CNTNAP3B: variants seen among roughly 807,000 people sequenced by gnomAD.
CNTNAP3B encodes the protein contactin associated protein family member 3B, also known as contactin-associated protein-like 3B.
CNTNAP3B carries 25 observed loss-of-function variants against 108.9 expected under a neutral mutation model. The ratio of observed to expected loss-of-function variants is 0.23; its 90% CI spans 0.17 to 0.32. The LOEUF (loss-of-function observed/expected upper bound fraction) is 0.32. Ranked by LOEUF, CNTNAP3B falls within the 10% of genes least tolerant of loss-of-function variation. The pLI, the probability that CNTNAP3B is intolerant of heterozygous loss-of-function variation, is 1.00. For synonymous variants in CNTNAP3B, 103 were observed against 473.4 expected (o/e 0.22, Z 10.16); for missense variants, 252 against 1,210.4 (o/e 0.21, Z 11.75).
At chr9:42,024,621 C>CA (rs1176745282) in intron 3 of CNTNAP3B, among the ~76,000 whole-genome samples, 15 of 52,776 alleles carry the variant, frequency 2.8e-4, no homozygotes, top group South Asian at 1.7e-3. Flanking sequence ...AACATTAAAA[C>CA]AAAAAAAAGG....
rs1479070649 is a variant in CNTNAP3B, at chr9:41,953,322, G to A, written c.1941C>T (p.Pro647=). 6 of 1,545,914 alleles carry A rather than the reference G, an allele frequency of 3.9e-6. No individual in the cohort carries two copies. The highest frequency in any genetic ancestry group is 5.2e-6 in the Non-Finnish European group (6 of 1,153,406). ...ACACAGCCGAGAGCGGGTGCCCGCT[G>A]GGGGCACCTCGGAGGGTCACCGCGT... is the stretch of plus-strand genomic sequence containing the variant. ...GPDAVTLRGA[P]SGHPLSAVSF... The change falls in exon 13 of 24, where the codon CCC becomes CCT. Residue 647 remains proline, a synonymous_variant. Transcript: ENST00000377561.
chr9:42,003,290 C>T lies in CNTNAP3B; in HGVS notation c.539-4686G>A, dbSNP rs1187252208. Among the ~76,000 whole-genome samples the T allele has an allele frequency of 3.6e-5, 4 of 109,608 alleles. 1 individual carries two copies. Among genetic ancestry groups the T allele is most frequent in the Non-Finnish European group, 7.6e-5 (4 of 52,854 alleles). 71.9% of individuals were successfully genotyped at this position (109,608 alleles called of 152,430 possible). On this transcript the variant is annotated intron_variant, in intron 4 of 23. Transcript: ENST00000377561. ...ATTCTAAGCACAGGCATGTCTCATC[C>T]CCATCCTACCTTGTACTGCCTTTTC...
intron 1 of CNTNAP3B, among the ~76,000 whole-genome samples, chr9:42,120,027 A>G (rs1828423613): frequency 6.7e-6 from 1 of 149,190 alleles, no homozygotes; most frequent in Non-Finnish European, 1.5e-5. Flanking sequence ...CTACCATCAG[A>G]GTGAACAGGC....
chr9:41,944,101 C>T (rs1470041833), intron 13 of CNTNAP3B, among the ~76,000 whole-genome samples: 1 of 149,460 alleles, frequency 6.7e-6, no homozygotes, highest in African/African-American at 2.5e-5. Flanking sequence ...TAAAATTATC[C>T]TAAATAGTAA....
chr9:42,054,441 C>T (rs1390956027), intron 3 of CNTNAP3B, among the ~76,000 whole-genome samples: 1 of 151,412 alleles, frequency 6.6e-6, no homozygotes, highest in Non-Finnish European at 1.5e-5. Context: ...GAGGTTCAGC[C>T]TTATAGTGCG....
In CNTNAP3B at chr9:42,123,690, G is replaced by C. The variant is rs1327567692; in HGVS notation, c.85+5320C>G. ...CATTTTCCTAACTCTACATTTGCCT[G>C]AGAAGCAATGACATTCAATAAACTT... On this transcript the variant is annotated intron_variant, in intron 1 of 23. Transcript: ENST00000377561. Among the ~76,000 whole-genome samples the C allele has an allele frequency of 2.9e-5, 4 of 138,346 alleles. 1 individual carries two copies. The highest frequency in any genetic ancestry group is 1.1e-4 in the African/African-American group (4 of 34,854). 90.8% of individuals were successfully genotyped at this position (138,346 alleles called of 152,430 possible).
intron 11 of CNTNAP3B, among the ~76,000 whole-genome samples, chr9:41,963,154 T>C (rs1255744173): frequency 2.0e-5 from 3 of 152,296 alleles, no homozygotes; most frequent in African/African-American, 7.2e-5. Context: ...AGTGTGGTTT[T>C]AACACTCCAC....
intron 14 of CNTNAP3B, among the ~76,000 whole-genome samples, chr9:41,935,558 A>G (rs1824132231): frequency 6.6e-6 from 1 of 152,292 alleles, no homozygotes; most frequent in African/African-American, 2.4e-5. Flanking sequence ...TTCCATTTTT[A>G]TAAACTGAAA....
intron 3 of CNTNAP3B, among the ~76,000 whole-genome samples, chr9:42,044,276 G>A (rs1373685930): frequency 6.6e-6 from 1 of 151,420 alleles, no homozygotes; most frequent in African/African-American, 2.4e-5. Context: ...AGGTGTGTAT[G>A]TATAAGAAAA....
chr9:42,097,088 C>A lies in CNTNAP3B; in HGVS notation c.196+7541G>T, dbSNP rs1201943958. Among the ~76,000 whole-genome samples, 10 of 139,790 alleles carry A rather than the reference C, an allele frequency of 7.2e-5. 1 individual carries two copies. Among genetic ancestry groups the A allele is most frequent in the Admixed American group, 7.1e-4 (10 of 14,138 alleles). The allele number at this position is 139,790 out of a possible 152,430, so 91.7% of individuals were successfully genotyped here. ...TTTTTGATGTTAGGTGTGCCACCTT[C>A]AATGATGGCTGTGTGGATCCAATAT... On this transcript the variant is annotated intron_variant, in intron 2 of 23. Coordinates refer to ENST00000377561, the MANE Select transcript of CNTNAP3B (RefSeq NM_001201380.3).
At chr9:42,047,333 T>A (rs1826891909) in intron 3 of CNTNAP3B, among the ~76,000 whole-genome samples, 1 of 130,180 alleles carries the variant, frequency 7.7e-6, no homozygotes, top group South Asian at 2.5e-4. Flanking sequence ...GCCTTCAGCA[T>A]ACAAAGTAAA....
chr9:41,916,764 A>T (rs1404577015), intron 18 of CNTNAP3B, among the ~76,000 whole-genome samples: 1 of 144,540 alleles, frequency 6.9e-6, no homozygotes, highest in Non-Finnish European at 1.5e-5. Flanking sequence ...ACAATAAATT[A>T]TTGTTAACTA....
chr9:42,061,300 T>C (rs1355547696), intron 3 of CNTNAP3B, among the ~76,000 whole-genome samples: 1 of 117,946 alleles, frequency 8.5e-6, no homozygotes, highest in Non-Finnish European at 1.7e-5. Context: ...TTCCATGTAT[T>C]TCTGAATTTT....
chr9:42,050,058 T>TC (rs1223138327), intron 3 of CNTNAP3B, among the ~76,000 whole-genome samples: 9 of 47,316 alleles, frequency 1.9e-4, no homozygotes, highest in African/African-American at 6.9e-4. Context: ...CAGGCTGGTC[T>TC]CAGACTCCTG....
chr9:41,980,886 C>T (rs1458339977), intron 9 of CNTNAP3B, among the ~76,000 whole-genome samples: 1 of 133,152 alleles, frequency 7.5e-6, no homozygotes, highest in Admixed American at 7.5e-5. Flanking sequence ...ACTGGATGTC[C>T]TCGCCAGAGC....
chr9:41,907,025 GTATTT>G, intron 19 of CNTNAP3B, 38 bp from the exon 20 acceptor site: 1 of 680,496 alleles, frequency 1.5e-6, no homozygotes, highest in Non-Finnish European at 2.3e-6. Context: ...AATTAAAGTG[GTATTT>G]TATAAAACTC....
chr9:41,934,122 T>C (rs192766694), intron 14 of CNTNAP3B, among the ~76,000 whole-genome samples: 151 of 73,412 alleles, frequency 2.1e-3, no homozygotes, highest in Middle Eastern at 7.2e-3. Flanking sequence ...TATATATATA[T>C]ACACACACAT....
chr9:41,956,019 C>A (rs1326021741), intron 12 of CNTNAP3B, among the ~76,000 whole-genome samples: 1 of 152,214 alleles, frequency 6.6e-6, no homozygotes, highest in Non-Finnish European at 1.5e-5. Context: ...AACACAATGC[C>A]TATTTTATAA....
At position 41,976,865 on chromosome 9, in the gene CNTNAP3B, A is replaced by G. The variant is rs559285535; in HGVS notation, c.1478-6620T>C. ...GCTTGGAGAGGCAGAGGCTGCAGTGAGCTGTGATTGCTCCATTGCACTCCA... is the reference window on the plus strand; with the variant it reads ...GCTTGGAGAGGCAGAGGCTGCAGTGGGCTGTGATTGCTCCATTGCACTCCA... On this transcript the variant is annotated intron_variant, in intron 9 of 23. Coordinates refer to ENST00000377561, the MANE Select transcript of CNTNAP3B (RefSeq NM_001201380.3). 4.9e-4 allele frequency among the ~76,000 whole-genome samples: 65 copies of G among 132,980 alleles called. 4 individuals are homozygous for G. Among genetic ancestry groups the G allele is most frequent in the African/African-American group, 1.9e-3 (63 of 32,648 alleles). The allele number at this position is 132,980 out of a possible 152,430, so 87.2% of individuals were successfully genotyped here.
Sources: allele counts gnomAD v4.1 joint callset (sites outside exome capture counted in the v4.1 genomes callset), GRCh38; gene constraint gnomAD v4.1.1; transcripts MANE v1.5; gene names NCBI Gene and HGNC (gene_info 2026-07-23, HGNC 2026-07-21).